LIMCH1: variants seen among roughly 807,000 people sequenced by gnomAD.
LIMCH1 encodes the protein LIM and calponin homology domains 1.
A neutral mutation model predicts 176.5 loss-of-function variants in LIMCH1; 113 were observed. The observed-to-expected ratio is 0.64, with a 90% CI of 0.55 to 0.75. LIMCH1 has a LOEUF of 0.75. Ranked by LOEUF, LIMCH1 falls within the 30% of genes least tolerant of loss-of-function variation. LIMCH1 has a pLI of 0.00. For synonymous variants in LIMCH1, 619 were observed against 645.9 expected (o/e 0.96, Z 0.63); for missense variants, 1,674 against 1,814.9 (o/e 0.92, Z 1.41).
intron 1 of LIMCH1, among the ~76,000 whole-genome samples, chr4:41,540,393 C>T (rs183593285): frequency 3.3e-5 from 5 of 152,206 alleles, no homozygotes; most frequent in Admixed American, 1.3e-4. Context: ...AATCATGATT[C>T]AGTGATTTTT....
Position 41,671,563 on chromosome 4 carries a change from C to A in LIMCH1, c.3407C>A (p.Pro1136Gln). ...TTTTTTTTCTGTGCAGTGGATTCTC[C>A]AAGCAGTGAGAAGTCACCTGTTATG... ...LPNLNSQVDS[P>Q]SSEKSPVMTP... Residue 1136 changes from proline to glutamine, a missense_variant, in exon 22 of 32, where the codon CCA (proline) becomes CAA (glutamine). Pro to Gln is a moderately conservative substitution (Grantham distance 76). Transcript: ENST00000503057. 1 of 1,604,806 alleles carries A rather than the reference C, an allele frequency of 6.2e-7. No homozygotes were observed. The highest frequency in any genetic ancestry group is 8.5e-7 in the Non-Finnish European group (1 of 1,172,056).
intron 1 of LIMCH1, among the ~76,000 whole-genome samples, chr4:41,455,642 CA>C (rs762405330): frequency 3.9e-5 from 6 of 151,978 alleles, no homozygotes; most frequent in Admixed American, 6.6e-5. Context: ...AAACAAAAAA[CA>C]AAAAAACCCA....
chr4:41,365,920 C>T (rs2052897510), intron 1 of LIMCH1, among the ~76,000 whole-genome samples: 1 of 152,202 alleles, frequency 6.6e-6, no homozygotes, highest in South Asian at 2.1e-4. Context: ...GCACTGGCTA[C>T]CAAGAAAGGG....
In LIMCH1 at chr4:41,694,222, G is replaced by A. The variant is rs147859622; in HGVS notation, c.4378+1838G>A. 3.9e-5 allele frequency among the ~76,000 whole-genome samples: 6 copies of A among 152,212 alleles called. No homozygotes were observed. In the East Asian group the frequency reaches 1.2e-3, roughly 29 times the overall value. ...GAAAACAAGGCCCATTGTTTTCTCTGCTTCTATAGACATTCAATGAATAAA... is the reference window on the plus strand; with the variant it reads ...GAAAACAAGGCCCATTGTTTTCTCTACTTCTATAGACATTCAATGAATAAA... On this transcript the variant is annotated intron_variant, in intron 31 of 31. Transcript: ENST00000503057.
At chr4:41,666,869 A>G (rs1175053698) in intron 21 of LIMCH1, among the ~76,000 whole-genome samples, 3 of 152,212 alleles carry the variant, frequency 2.0e-5, no homozygotes, top group Non-Finnish European at 4.4e-5. Context: ...CAGGAACCCT[A>G]GCTGCCAAGG....
chr4:41,605,990 G>C lies in LIMCH1; in HGVS notation c.-6G>C, dbSNP rs766060287. The C allele has an allele frequency of 1.9e-6, 3 of 1,612,480 alleles. No individual in the cohort carries two copies. The highest frequency in any genetic ancestry group is 2.5e-6 in the Non-Finnish European group (3 of 1,178,666). Reference sequence around the variant, plus strand: ...CCTGAAGGAGTTTGAAGGATTGTTGGCTCAGATGCGAAAGGTAACTTGGCT... The same window carrying C: ...CCTGAAGGAGTTTGAAGGATTGTTGCCTCAGATGCGAAAGGTAACTTGGCT... On this transcript the variant is annotated 5_prime_UTR_variant, in exon 4 of 32. Transcript: ENST00000503057.
intron 1 of LIMCH1, among the ~76,000 whole-genome samples, chr4:41,460,201 ATTTAAC>A (rs1314496912): frequency 6.6e-6 from 1 of 152,104 alleles, no homozygotes; most frequent in African/African-American, 2.4e-5. Flanking sequence ...AGGTGTGACT[ATTTAAC>A]TTTAAATTGA....
chr4:41,431,954 C>G (rs1430361999), intron 1 of LIMCH1, among the ~76,000 whole-genome samples: 4 of 152,156 alleles, frequency 2.6e-5, no homozygotes, highest in Non-Finnish European at 4.4e-5. Flanking sequence ...TTGAAGTTTT[C>G]TTTTTTCTAT....
intron 3 of LIMCH1, among the ~76,000 whole-genome samples, chr4:41,529,522 C>T (rs142230947): frequency 6.6e-6 from 1 of 152,118 alleles, no homozygotes; most frequent in African/African-American, 2.4e-5. Context: ...AGAAGGACAT[C>T]TTAGATGTGT....
intron 3 of LIMCH1, among the ~76,000 whole-genome samples, chr4:41,532,179 A>G (rs2077396788): frequency 6.6e-6 from 1 of 152,152 alleles, no homozygotes; most frequent in Non-Finnish European, 1.5e-5. Flanking sequence ...AAAACAACAA[A>G]ACACACGAGG....
rs1208565361 is a variant in LIMCH1, at chr4:41,369,681, T to TTG, written c.96+8758_96+8759dup. On this transcript the variant is annotated intron_variant, in intron 1 of 26. Transcript: ENST00000313860. ...TGTATTTTACTATCACGAATTTTTT[T>TTG]TGTGTGTGTGTGTGGTGGGGGGATT... is the stretch of plus-strand genomic sequence containing the variant. Among the ~76,000 whole-genome samples, 7 of 151,750 alleles carry TTG rather than the reference T, an allele frequency of 4.6e-5. No individual in the cohort carries two copies. The East Asian group carries it at 5.8e-4, about 13-fold the overall frequency.
intron 1 of LIMCH1, among the ~76,000 whole-genome samples, chr4:41,457,129 T>C (rs2064710592): frequency 6.6e-6 from 1 of 152,200 alleles, no homozygotes; most frequent in Admixed American, 6.5e-5. Context: ...ACAGTAGATG[T>C]AACAAATCTC....
At chr4:41,421,596 A>C (rs547888283) in intron 1 of LIMCH1, among the ~76,000 whole-genome samples, 9 of 152,254 alleles carry the variant, frequency 5.9e-5, no homozygotes, top group African/African-American at 1.9e-4. Context: ...TTTTGCAATG[A>C]CCTGATGTTA....
At chr4:41,569,290 C>T (rs1005521304) in intron 1 of LIMCH1, among the ~76,000 whole-genome samples, 1 of 152,166 alleles carries the variant, frequency 6.6e-6, no homozygotes, top group Admixed American at 6.5e-5. Context: ...CGAAGCCAGA[C>T]TTACCCACTC....
rs546199730 is a variant in LIMCH1, at chr4:41,430,842, A to G, written c.97-63694A>G. Reference sequence around the variant, plus strand: ...TAACTTTTTTATTACATGCTGGCTTAAATCTCAGACAGAATTCCATTGAAA... The same window carrying G: ...TAACTTTTTTATTACATGCTGGCTTGAATCTCAGACAGAATTCCATTGAAA... On this transcript the variant is annotated intron_variant, in intron 1 of 26. Transcript: ENST00000313860. Among the ~76,000 whole-genome samples the G allele has an allele frequency of 6.6e-5, 10 of 152,300 alleles. No homozygotes were observed. The South Asian group carries it at 1.7e-3, about 25-fold the overall frequency.
At chr4:41,543,339 A>G (rs1358764287) in intron 1 of LIMCH1, among the ~76,000 whole-genome samples, 1 of 152,192 alleles carries the variant, frequency 6.6e-6, no homozygotes, top group Non-Finnish European at 1.5e-5. Context: ...AATACATGAA[A>G]TATGTTTGAG....
intron 1 of LIMCH1, among the ~76,000 whole-genome samples, chr4:41,595,720 T>A (rs1205806839): frequency 6.6e-6 from 1 of 152,202 alleles, no homozygotes; most frequent in Non-Finnish European, 1.5e-5. Context: ...ATCTTTAACC[T>A]ATTTTCTTAA....
chr4:41,629,880 T>C, intron 9 of LIMCH1, 146 bp downstream of exon 9: 1 of 948,284 alleles, frequency 1.1e-6, no homozygotes, highest in Admixed American at 2.9e-5. Flanking sequence ...TGATCACAGT[T>C]CACTGTACCC....
chr4:41,436,932 C>G (rs2062147531), intron 1 of LIMCH1, among the ~76,000 whole-genome samples: 1 of 152,152 alleles, frequency 6.6e-6, no homozygotes, highest in African/African-American at 2.4e-5. Context: ...TCTCCAATGT[C>G]TCCTAGGTAA....
Sources: allele counts gnomAD v4.1 joint callset (sites outside exome capture counted in the v4.1 genomes callset), GRCh38; gene constraint gnomAD v4.1.1; transcripts MANE v1.5; gene names NCBI Gene and HGNC (gene_info 2026-07-23, HGNC 2026-07-21).